NOL4L: variants seen among roughly 807,000 people sequenced by gnomAD.
NOL4L encodes nucleolar protein 4 like.
Under a neutral mutation model 64.5 loss-of-function variants are expected in NOL4L, and 7 were observed. The observed-to-expected ratio is 0.11, with a 90% CI of 0.06 to 0.20. The LOEUF (loss-of-function observed/expected upper bound fraction) is 0.20. NOL4L is among the 10% of genes least tolerant of loss of function. NOL4L has a pLI of 1.00. For missense variants in NOL4L, 680 were observed against 967.1 expected (o/e 0.70, Z 3.94); for synonymous variants, 413 against 401.0 (o/e 1.03, Z -0.36).
At chr20:32,462,146 G>A (rs370302746) in intron 5 of NOL4L, among the ~76,000 whole-genome samples, 12 of 152,336 alleles carry the variant, frequency 7.9e-5, no homozygotes, top group African/African-American at 2.9e-4. Context: ...GGAGGCCCAC[G>A]CTGGGGAAAG....
intron 1 of NOL4L, among the ~76,000 whole-genome samples, chr20:32,552,380 T>TC (rs1978357337): frequency 6.6e-6 from 1 of 151,352 alleles, no homozygotes; most frequent in Admixed American, 6.6e-5. Flanking sequence ...TTGATTAATT[T>TC]TTTTTTTTTT....
intron 6 of NOL4L, among the ~76,000 whole-genome samples, chr20:32,455,451 G>C (rs2013396049): frequency 6.6e-6 from 1 of 152,226 alleles, no homozygotes; most frequent in Admixed American, 6.5e-5. Flanking sequence ...CAGGCCCAGA[G>C]AGGGAGAAGA....
intron 10 of NOL4L, chr20:32,451,669 T>C (rs148161491): frequency 1.3e-5 from 2 of 152,436 alleles, no homozygotes; most frequent in Non-Finnish European, 2.9e-5. Flanking sequence ...GTCTCAGATG[T>C]AGGCTCCATG....
At chr20:32,556,282 G>T (rs961704478) in intron 1 of NOL4L, among the ~76,000 whole-genome samples, 7 of 152,192 alleles carry the variant, frequency 4.6e-5, no homozygotes, top group South Asian at 4.2e-4. Context: ...TGTGGGGGGG[G>T]GGGGTTTCCC....
intron 5 of NOL4L, among the ~76,000 whole-genome samples, chr20:32,461,923 G>GC (rs1013270190): frequency 1.3e-5 from 2 of 152,000 alleles, no homozygotes; most frequent in African/African-American, 4.8e-5. Flanking sequence ...GGCTCCTGCT[G>GC]CCCCCTAGAT....
Position 32,582,447 on chromosome 20 carries a change from G to A in NOL4L, c.321+2123C>T, listed in dbSNP as rs942244088. The stretch of plus-strand genomic sequence containing the variant: ...GGTCCAGGCCCAGCACCCAGTTTCT[G>A]CATGTGGCCTGGATAGGGGGAGGGG... On this transcript the variant is annotated intron_variant, in intron 1 of 10. Coordinates refer to ENST00000621426, the MANE Select transcript of NOL4L (RefSeq NM_001256798.2). Among the ~76,000 whole-genome samples the A allele has an allele frequency of 4.6e-5, 7 of 152,332 alleles. 1 individual carries two copies. The highest frequency in any genetic ancestry group is 1.7e-4 in the African/African-American group (7 of 41,556).
rs554194230 is a variant in NOL4L at position 32,443,979 on chromosome 20, T to A, written c.*3617A>T. 6.6e-6 allele frequency: 1 copy of A among 152,284 alleles called. No homozygotes were observed. Among genetic ancestry groups the A allele is most frequent in the African/African-American group, 2.4e-5 (1 of 41,556 alleles). 9.4% of individuals were successfully genotyped at this position (152,284 alleles called of 1,614,324 possible). ...CAATCTGAGTTCTACGTGGTATAGGTTTTTTGTTGTATTTTTAGGTGGAAA... is the reference window on the plus strand; with the variant it reads ...CAATCTGAGTTCTACGTGGTATAGGATTTTTGTTGTATTTTTAGGTGGAAA... On this transcript the variant is annotated 3_prime_UTR_variant, in exon 11 of 11. Transcript: ENST00000621426.
chr20:32,563,780 C>T (rs1046101983), intron 1 of NOL4L, among the ~76,000 whole-genome samples: 2 of 152,210 alleles, frequency 1.3e-5, no homozygotes. Context: ...CTAGGACTTA[C>T]ACCCCATGAT....
At chr20:32,541,717 G>T (rs370222730) in intron 1 of NOL4L, among the ~76,000 whole-genome samples, 1 of 152,260 alleles carries the variant, frequency 6.6e-6, no homozygotes, top group Non-Finnish European at 1.5e-5. Flanking sequence ...CTGTCTGCCC[G>T]CGGCACCCGC....
chr20:32,475,344 C>A, intron 4 of NOL4L: 1 of 985,474 alleles, frequency 1.0e-6, no homozygotes, highest in Non-Finnish European at 1.2e-6. Flanking sequence ...AAAGGGCCAG[C>A]CCCAGAAGTG....
At chr20:32,487,247 G>C (rs978117684) in intron 4 of NOL4L, among the ~76,000 whole-genome samples, 3 of 152,088 alleles carry the variant, frequency 2.0e-5, no homozygotes, top group African/African-American at 7.2e-5. Flanking sequence ...CAGCCTGGGC[G>C]ACAGGAGCGA....
At chr20:32,542,011 G>A (rs1422625370) in intron 1 of NOL4L, among the ~76,000 whole-genome samples, 1 of 152,318 alleles carries the variant, frequency 6.6e-6, no homozygotes, top group Admixed American at 6.5e-5. Flanking sequence ...TTATGGATCT[G>A]GTCCTTCCCT....
chr20:32,444,736 T>G lies in NOL4L; in HGVS notation c.*2860A>C, dbSNP rs1600603719. The G allele has an allele frequency of 6.6e-6, 1 of 152,218 alleles. No homozygotes were observed. Among genetic ancestry groups the G allele is most frequent in the East Asian group, 1.9e-4 (1 of 5,202 alleles). 9.4% of individuals were successfully genotyped at this position (152,218 alleles called of 1,614,324 possible). ...GTATCCTACTCTTGCATTTCCTTTT[T>G]AACTTAGGATCCCAAATGATCACTT... On this transcript the variant is annotated 3_prime_UTR_variant, in exon 11 of 11. Transcript: ENST00000621426.
chr20:32,480,483 T>A (rs1157798396), intron 4 of NOL4L, among the ~76,000 whole-genome samples: 2 of 152,142 alleles, frequency 1.3e-5, no homozygotes, highest in Admixed American at 1.3e-4. Flanking sequence ...CTCAGGGGGT[T>A]GCCCCAGCAC....
intron 4 of NOL4L, among the ~76,000 whole-genome samples, chr20:32,493,506 G>T (rs1221528449): frequency 6.6e-6 from 1 of 152,108 alleles, no homozygotes; most frequent in Non-Finnish European, 1.5e-5. Context: ...TCAGGCAGGT[G>T]ACTTGACTCT....
intron 4 of NOL4L, among the ~76,000 whole-genome samples, chr20:32,495,589 C>T (rs1044864910): frequency 1.3e-5 from 2 of 152,150 alleles, no homozygotes; most frequent in African/African-American, 4.8e-5. Context: ...AAAGGGGTTC[C>T]TCCATCAAAA....
chr20:32,551,062 T>A lies in NOL4L; in HGVS notation c.322-23149A>T, dbSNP rs183371235. 2.5e-4 allele frequency among the ~76,000 whole-genome samples: 37 copies of A among 150,644 alleles called. 1 individual carries two copies. Among genetic ancestry groups the A allele is most frequent in the Admixed American group, 1.1e-3 (16 of 15,136 alleles). ...CAGAGCAAGACTCCATCTCAAAAAA[T>A]AATAATAATAATACAGTATTATAAT... On this transcript the variant is annotated intron_variant, in intron 1 of 10. Coordinates refer to ENST00000621426, the MANE Select transcript of NOL4L (RefSeq NM_001256798.2).
intron 5 of NOL4L, among the ~76,000 whole-genome samples, chr20:32,469,380 C>CT (rs2014835203): frequency 6.9e-6 from 1 of 145,516 alleles, no homozygotes; most frequent in Middle Eastern, 3.4e-3. Flanking sequence ...TCTTTTTTTT[C>CT]TTTTTTTTAG....
chr20:32,582,325 G>A (rs578000206), intron 1 of NOL4L, among the ~76,000 whole-genome samples: 6 of 152,282 alleles, frequency 3.9e-5, no homozygotes, highest in African/African-American at 1.4e-4. Context: ...AGCCAGGGTG[G>A]AGACTGGGGA....
Sources: allele counts gnomAD v4.1 joint callset (sites outside exome capture counted in the v4.1 genomes callset), GRCh38; gene constraint gnomAD v4.1.1; transcripts MANE v1.5; gene names NCBI Gene and HGNC (gene_info 2026-07-23, HGNC 2026-07-21).